Variants in CAMKMT observed in about 807,000 individuals in gnomAD.
CAMKMT encodes the protein CaM KMT.
A neutral mutation model predicts 48.0 loss-of-function variants in CAMKMT; 53 were observed. That is an observed-to-expected ratio of 1.10 (90% CI 0.89 to 1.39). CAMKMT has a LOEUF of 1.39. Ranked by LOEUF, CAMKMT falls within the 40% of genes most tolerant of loss-of-function variation. The probability of loss-of-function intolerance (pLI) is 0.00; values close to 1 mark genes in which losing one functional copy is unlikely to be tolerated. For missense variants in CAMKMT, 428 were observed against 402.7 expected (o/e 1.06, Z -0.54); for synonymous variants, 165 against 152.3 (o/e 1.08, Z -0.61).
intron 3 of CAMKMT, among the ~76,000 whole-genome samples, chr2:44,395,368 C>T (rs886909786): frequency 6.6e-6 from 1 of 151,918 alleles, no homozygotes; most frequent in South Asian, 2.1e-4. Flanking sequence ...TGTACATATG[C>T]AGATATATAA....
chr2:44,414,588 T>G (rs1433928957), intron 3 of CAMKMT, among the ~76,000 whole-genome samples: 1 of 152,142 alleles, frequency 6.6e-6, no homozygotes, highest in Non-Finnish European at 1.5e-5. Context: ...AGAGTCATAG[T>G]CTTTTATAAC....
chr2:44,769,518 G>C (rs1363417201), intron 10 of CAMKMT, among the ~76,000 whole-genome samples: 1 of 152,124 alleles, frequency 6.6e-6, no homozygotes, highest in East Asian at 1.9e-4. Flanking sequence ...AAAACCTTTC[G>C]GATAGTAAGA....
At chr2:44,580,667 C>T (rs1437730670) in intron 3 of CAMKMT, among the ~76,000 whole-genome samples, 1 of 152,150 alleles carries the variant, frequency 6.6e-6, no homozygotes, top group Non-Finnish European at 1.5e-5. Context: ...TTGTTGATAT[C>T]TAGACCACTG....
chr2:44,703,260 T>A (rs1376500666), intron 3 of CAMKMT, among the ~76,000 whole-genome samples: 1 of 152,166 alleles, frequency 6.6e-6, no homozygotes, highest in African/African-American at 2.4e-5. Flanking sequence ...TGATAACAAC[T>A]AGAAACTACA....
intron 3 of CAMKMT, among the ~76,000 whole-genome samples, chr2:44,685,136 G>A (rs1676267228): frequency 6.6e-6 from 1 of 151,884 alleles, no homozygotes; most frequent in Non-Finnish European, 1.5e-5. Context: ...CATAAAGAAA[G>A]AGATCAAATT....
intron 3 of CAMKMT, among the ~76,000 whole-genome samples, chr2:44,596,564 A>G (rs1301778521): frequency 3.3e-5 from 5 of 152,190 alleles, no homozygotes; most frequent in Admixed American, 2.0e-4. Flanking sequence ...CAAGCCCCCC[A>G]TCTGATTCTG....
At chr2:44,669,326 G>A (rs1235617427) in intron 3 of CAMKMT, among the ~76,000 whole-genome samples, 2 of 152,050 alleles carry the variant, frequency 1.3e-5, no homozygotes, top group African/African-American at 2.4e-5. Flanking sequence ...CCAGTGTATT[G>A]TTGATGGACA....
intron 3 of CAMKMT, among the ~76,000 whole-genome samples, chr2:44,482,207 G>A (rs1186943867): frequency 6.6e-6 from 1 of 152,120 alleles, no homozygotes; most frequent in Non-Finnish European, 1.5e-5. Flanking sequence ...TACAATAAAT[G>A]TCTGATTCTA....
chr2:44,599,506 C>G (rs947862464), intron 3 of CAMKMT, among the ~76,000 whole-genome samples: 3 of 151,952 alleles, frequency 2.0e-5, no homozygotes, highest in Admixed American at 1.3e-4. Flanking sequence ...AATACATGCC[C>G]TGTTATTATT....
chr2:44,573,185 TTAGTAA>T (rs1163122658), intron 3 of CAMKMT, among the ~76,000 whole-genome samples: 1 of 152,164 alleles, frequency 6.6e-6, no homozygotes, highest in East Asian at 1.9e-4. Flanking sequence ...TATGCTGCTA[TTAGTAA>T]TAGTAATCTT....
At chr2:44,509,882 C>T (rs908339185) in intron 3 of CAMKMT, among the ~76,000 whole-genome samples, 2 of 152,192 alleles carry the variant, frequency 1.3e-5, no homozygotes, top group Non-Finnish European at 2.9e-5. Flanking sequence ...AGAAACCAAC[C>T]AGTTGTGGCT....
intron 3 of CAMKMT, among the ~76,000 whole-genome samples, chr2:44,633,297 C>A (rs1225327643): frequency 6.6e-6 from 1 of 151,988 alleles, no homozygotes. Flanking sequence ...GTTTGCTGGC[C>A]TTATGTATCT....
chr2:44,388,679 T>G (rs1681016697), intron 2 of CAMKMT, among the ~76,000 whole-genome samples: 1 of 152,164 alleles, frequency 6.6e-6, no homozygotes, highest in Non-Finnish European at 1.5e-5. Context: ...GTTGTTCAGA[T>G]TCTTTTGTCC....
intron 3 of CAMKMT, among the ~76,000 whole-genome samples, chr2:44,554,209 G>A (rs1161790353): frequency 6.6e-6 from 1 of 152,200 alleles, no homozygotes; most frequent in Non-Finnish European, 1.5e-5. Context: ...CCTTTGAGAA[G>A]CTGACTGTTT....
intron 3 of CAMKMT, among the ~76,000 whole-genome samples, chr2:44,602,424 C>T (rs1256835316): frequency 6.6e-6 from 1 of 152,012 alleles, no homozygotes; most frequent in Non-Finnish European, 1.5e-5. Context: ...AAGAGAACAA[C>T]AAAAATGTTA....
intron 3 of CAMKMT, among the ~76,000 whole-genome samples, chr2:44,539,291 A>C (rs1666960090): frequency 6.6e-6 from 1 of 151,712 alleles, no homozygotes; most frequent in Non-Finnish European, 1.5e-5. Context: ...CTCAAAAAAA[A>C]AAAAAAAAAA....
intron 3 of CAMKMT, among the ~76,000 whole-genome samples, chr2:44,491,452 T>A (rs1314411095): frequency 1.3e-5 from 2 of 152,188 alleles, no homozygotes; most frequent in African/African-American, 4.8e-5. Context: ...TACCTTTTGG[T>A]ACACCATTGG....
chr2:44,494,519 A>G (rs372518957), intron 3 of CAMKMT, among the ~76,000 whole-genome samples: 24 of 152,338 alleles, frequency 1.6e-4, no homozygotes, highest in African/African-American at 5.8e-4. Context: ...CAGAATGTGA[A>G]ATGTTAATAA....
intron 3 of CAMKMT, among the ~76,000 whole-genome samples, chr2:44,576,088 A>C (rs376384135): frequency 1.5e-4 from 23 of 152,210 alleles, no homozygotes; most frequent in African/African-American, 5.1e-4. Flanking sequence ...GCACTTTGGG[A>C]GGCCGAGGTG....
Sources: gnomAD v4.1 joint callset for allele counts (sites outside exome capture counted in the v4.1 genomes callset) on GRCh38, gnomAD v4.1.1 for gene constraint, MANE v1.5 for transcripts, NCBI Gene and HGNC (gene_info 2026-07-23, HGNC 2026-07-21) for gene names.